GOLGA8B: variants seen among roughly 807,000 people sequenced by gnomAD.
The protein encoded by GOLGA8B is golgin A8 family member B.
A neutral mutation model predicts 15.6 loss-of-function variants in GOLGA8B; 1 was observed. That is an observed-to-expected ratio of 0.06 (90% CI 0.02 to 0.30). The LOEUF (loss-of-function observed/expected upper bound fraction) is 0.30, where lower values mean the gene tolerates loss of function less well. GOLGA8B is among the 10% of genes least tolerant of loss of function. The pLI is 1.00. For missense variants in GOLGA8B, 17 were observed against 201.3 expected (o/e 0.08, Z 5.54); for synonymous variants, 9 against 80.3 (o/e 0.11, Z 4.75).
At chr15:34,573,536 CAAAAAAAAA>C (rs60984933) in intron 1 of GOLGA8B, among the ~76,000 whole-genome samples, 1,894 of 86,870 alleles carry the variant, frequency 0.022, 28 homozygotes, top group Admixed American at 0.054. Context: ...GACTCCGTCT[CAAAAAAAAA>C]AAAAAAAAAA....
At chr15:34,577,507 T>TAC (rs71119972) in intron 1 of GOLGA8B, among the ~76,000 whole-genome samples, 1,955 of 125,244 alleles carry the variant, frequency 0.016, 22 homozygotes, top group African/African-American at 0.033. Context: ...TTATATATCA[T>TAC]ACACACACAC....
At chr15:34,567,841 C>A (rs199725383) in intron 1 of GOLGA8B, among the ~76,000 whole-genome samples, 6,811 of 139,534 alleles carry the variant, frequency 0.049, 2 homozygotes, top group South Asian at 0.14. Flanking sequence ...CTGGACTTCT[C>A]ATCATGCCAT....
intron 1 of GOLGA8B, among the ~76,000 whole-genome samples, chr15:34,577,086 C>A: frequency 6.6e-6 from 1 of 151,640 alleles, no homozygotes; most frequent in East Asian, 1.9e-4. Flanking sequence ...CCTGGCTTCC[C>A]AGAGCTTCCA....
intron 1 of GOLGA8B, chr15:34,556,774 A>G (rs1888498457): frequency 1.0e-6 from 1 of 973,114 alleles, no homozygotes; most frequent in Non-Finnish European, 1.5e-6. Context: ...TTCAAGTCCA[A>G]GACCAGACCC....
At position 34,525,118 on chromosome 15, in the gene GOLGA8B, ATT is replaced by A. The variant is rs1026653636; in HGVS notation, c.*2512_*2513del. ...ACTTTTTTAATCCCATACCTTTTTT[ATT>A]TTGTGTTCTTTTAATAAACACTTGC... On this transcript the variant is annotated 3_prime_UTR_variant, in exon 24 of 24. Coordinates refer to ENST00000683415, the MANE Select transcript of GOLGA8B (RefSeq NM_001023567.5). The A allele has an allele frequency of 1.7e-4, 26 of 149,408 alleles. 2 individuals are homozygous for A. Among genetic ancestry groups the A allele is most frequent in the African/African-American group, 5.7e-4 (23 of 40,366 alleles). 9.3% of individuals were successfully genotyped at this position (149,408 alleles called of 1,614,324 possible).
chr15:34,577,560 A>ACACT lies in GOLGA8B; in HGVS notation c.-1123+5955_-1123+5956insAGTG, dbSNP rs1491292911. Among the ~76,000 whole-genome samples, 82 of 142,034 alleles carry ACACT rather than the reference A, an allele frequency of 5.8e-4. 2 individuals carry two copies. The highest frequency in any genetic ancestry group is 3.0e-3 in the East Asian group (14 of 4,738). The allele number at this position is 142,034 out of a possible 152,430, so 93.2% of individuals were successfully genotyped here. ...CACACACACACACACACACACACACAGATGCGTCACTTAATGACAGGGATG... is the reference window on the plus strand; with the variant it reads ...CACACACACACACACACACACACACACACTGATGCGTCACTTAATGACAGGGATG... On this transcript the variant is annotated intron_variant, in intron 1 of 23. Transcript: ENST00000683415.
intron 1 of GOLGA8B, among the ~76,000 whole-genome samples, chr15:34,583,162 C>A (rs901212727): frequency 2.6e-5 from 4 of 151,988 alleles, no homozygotes; most frequent in Non-Finnish European, 4.4e-5. Flanking sequence ...GCCAGCCCAG[C>A]GAGATCCGAG....
At chr15:34,548,150 T>C (rs1326306570) in intron 4 of GOLGA8B, among the ~76,000 whole-genome samples, 3 of 149,058 alleles carry the variant, frequency 2.0e-5, no homozygotes, top group Non-Finnish European at 4.4e-5. Flanking sequence ...AAAACACTTG[T>C]ACAAATATAC....
chr15:34,570,813 A>T (rs200487005), intron 1 of GOLGA8B, among the ~76,000 whole-genome samples: 8,145 of 77,638 alleles, frequency 0.1, 236 homozygotes, highest in Middle Eastern at 0.15. Context: ...GATCCCAGTG[A>T]CAACAGCAGC....
At chr15:34,574,282 C>G (rs867269847) in intron 1 of GOLGA8B, among the ~76,000 whole-genome samples, 25 of 150,150 alleles carry the variant, frequency 1.7e-4, no homozygotes, top group African/African-American at 6.2e-4. Context: ...TCAAGTAGAG[C>G]TTTCTCTCCT....
chr15:34,583,170 G>C (rs1355020305), intron 1 of GOLGA8B, among the ~76,000 whole-genome samples: 1 of 151,848 alleles, frequency 6.6e-6, no homozygotes, highest in Non-Finnish European at 1.5e-5. Flanking sequence ...AGCGAGATCC[G>C]AGCGGGCGGC....
rs867698863 is a variant in GOLGA8B at position 34,543,426 on chromosome 15, C to A, written c.-382+1432G>T. Reference sequence around the variant, plus strand: ...CTCACCATGCTGCCCAGGCTTGTCTCCAACTCCTGGGCTTATGCCATCCTC... The same window carrying A: ...CTCACCATGCTGCCCAGGCTTGTCTACAACTCCTGGGCTTATGCCATCCTC... On this transcript the variant is annotated intron_variant, in intron 7 of 23. Coordinates refer to ENST00000683415, the MANE Select transcript of GOLGA8B (RefSeq NM_001023567.5). 1.4e-3 allele frequency among the ~76,000 whole-genome samples: 189 copies of A among 139,976 alleles called. 1 individual carries two copies. In the South Asian group the frequency reaches 0.024, roughly 18 times the overall value. 91.8% of individuals were successfully genotyped at this position (139,976 alleles called of 152,430 possible).
At chr15:34,572,918 A>T (rs1888960607) in intron 1 of GOLGA8B, among the ~76,000 whole-genome samples, 1 of 152,172 alleles carries the variant, frequency 6.6e-6, no homozygotes, top group Non-Finnish European at 1.5e-5. Context: ...TCTTCTCCAG[A>T]GATACAAGAT....
intron 1 of GOLGA8B, among the ~76,000 whole-genome samples, chr15:34,580,318 A>T (rs1365206139): frequency 6.6e-6 from 1 of 152,154 alleles, no homozygotes; most frequent in Non-Finnish European, 1.5e-5. Flanking sequence ...GAGAAAAATC[A>T]GGCCGAGACA....
intron 1 of GOLGA8B, among the ~76,000 whole-genome samples, chr15:34,572,061 CTTG>C (rs748651018): frequency 6.6e-6 from 1 of 152,318 alleles, no homozygotes; most frequent in Non-Finnish European, 1.5e-5. Flanking sequence ...GAAGAAACAG[CTTG>C]TTATCATTCA....
intron 1 of GOLGA8B, among the ~76,000 whole-genome samples, chr15:34,582,228 C>T (rs956268069): frequency 6.6e-6 from 1 of 152,202 alleles, no homozygotes; most frequent in African/African-American, 2.4e-5. Context: ...CCTGCCTCAC[C>T]TCACTGGAGG....
intron 1 of GOLGA8B, chr15:34,556,522 TGGAGGACCA>T: frequency 1.2e-6 from 1 of 868,382 alleles, no homozygotes; most frequent in Non-Finnish European, 1.9e-6. Flanking sequence ...GACGGGGACC[TGGAGGACCA>T]GGAGGAGGAC....
chr15:34,567,444 C>T (rs1170063721), intron 1 of GOLGA8B, among the ~76,000 whole-genome samples: 2 of 151,868 alleles, frequency 1.3e-5, no homozygotes, highest in East Asian at 1.9e-4. Context: ...CAGGCCACCA[C>T]GGGGGCAGAG....
chr15:34,554,310 G>T (rs536915824), intron 1 of GOLGA8B, among the ~76,000 whole-genome samples: 916 of 151,834 alleles, frequency 6.0e-3, no homozygotes, highest in African/African-American at 0.021. Flanking sequence ...GTCCCAGGCT[G>T]CCGGTCTGCC....
Sources: allele counts gnomAD v4.1 joint callset (sites outside exome capture counted in the v4.1 genomes callset), GRCh38; gene constraint gnomAD v4.1.1; transcripts MANE v1.5; gene names NCBI Gene and HGNC (gene_info 2026-07-23, HGNC 2026-07-21).